Variants in LIMA1 observed in about 807,000 individuals in gnomAD.
LIMA1 encodes LIM domain and actin binding 1.
A neutral mutation model predicts 62.6 loss-of-function variants in LIMA1; 52 were observed. The ratio of observed to expected loss-of-function variants is 0.83; its 90% confidence interval spans 0.67 to 1.05. The LOEUF is 1.05. Ranked by LOEUF, LIMA1 falls within the 50% of genes least tolerant of loss-of-function variation. The pLI is 0.00. For missense variants in LIMA1, 780 were observed against 902.2 expected (o/e 0.86, Z 1.74); for synonymous variants, 302 against 317.8 (o/e 0.95, Z 0.53).
chr12:50,186,600 A>G (rs866850545), intron 9 of LIMA1: 1 of 152,458 alleles, frequency 6.6e-6, no homozygotes. Flanking sequence ...TCCAGTGATA[A>G]GTTTTGCAAG....
intron 1 of LIMA1, among the ~76,000 whole-genome samples, chr12:50,279,474 G>C (rs1418250049): frequency 6.6e-6 from 1 of 151,960 alleles, no homozygotes; most frequent in Non-Finnish European, 1.5e-5. Flanking sequence ...CACTTACATG[G>C]AGGTGATAGT....
chr12:50,257,759 G>C (rs1335400318), intron 1 of LIMA1, among the ~76,000 whole-genome samples: 2 of 152,078 alleles, frequency 1.3e-5, no homozygotes, highest in Non-Finnish European at 2.9e-5. Context: ...TATAATGATG[G>C]TCTCAAGTAG....
intron 2 of LIMA1, 51 bp from the exon 3 acceptor site, chr12:50,231,761 T>G: frequency 6.5e-7 from 1 of 1,549,064 alleles, no homozygotes. Flanking sequence ...ATATTTTTAC[T>G]CTTTCAATTT....
Position 50,204,700 on chromosome 12 carries a change from C to G in LIMA1, c.716G>C (p.Gly239Ala). The G allele has an allele frequency of 6.2e-7, 1 of 1,613,948 alleles. No individual in the cohort carries two copies. The highest frequency in any genetic ancestry group is 8.5e-7 in the Non-Finnish European group (1 of 1,179,940). Residue 239 changes from glycine to alanine, a missense_variant and splice_region_variant, in exon 6 of 11, where the codon GGT becomes GCT. Physicochemically the swap from Gly to Ala is moderately conservative, Grantham distance 60. Coordinates refer to ENST00000341247, the MANE Select transcript of LIMA1 (RefSeq NM_016357.5). ...YSLDDLEIGP[G>A]QLSSSTFDSE... The stretch of plus-strand genomic sequence containing the variant: ...GTCAAATGTAGAAGATGACAACTGA[C>G]CTGGAAGCATCCAAATAACATGTTT...
rs756520427 is a variant in LIMA1, at chr12:50,200,902, C to T, written c.865-18G>A. The T allele has an allele frequency of 6.2e-7, 1 of 1,609,708 alleles. No homozygotes were observed. Among genetic ancestry groups the T allele is most frequent in the Non-Finnish European group, 8.5e-7 (1 of 1,178,974 alleles). ...AGCTCATTCTACAAAATAAAAATAA[C>T]TGTAAAAATTTTTTTAAAGTCCCAT... On this transcript the variant is annotated intron_variant, in intron 6 of 10. Transcript: ENST00000341247.
intron 4 of LIMA1, among the ~76,000 whole-genome samples, chr12:50,211,664 A>C (rs1941259584): frequency 6.6e-6 from 1 of 152,114 alleles, no homozygotes; most frequent in African/African-American, 2.4e-5. Flanking sequence ...CAAACAAACA[A>C]ACAAACAAAA....
At chr12:50,202,714 C>T (rs990247220) in intron 6 of LIMA1, among the ~76,000 whole-genome samples, 3 of 152,112 alleles carry the variant, frequency 2.0e-5, no homozygotes, top group Admixed American at 1.3e-4. Context: ...AATTAGTCCA[C>T]CAAATATTAT....
At chr12:50,190,887 G>A (rs1245329840) in intron 9 of LIMA1, among the ~76,000 whole-genome samples, 1 of 151,248 alleles carries the variant, frequency 6.6e-6, no homozygotes, top group African/African-American at 2.4e-5. Flanking sequence ...GGAGGCCAAG[G>A]TGGGGGGATT....
intron 1 of LIMA1, among the ~76,000 whole-genome samples, chr12:50,250,569 A>G (rs1388056225): frequency 6.7e-6 from 1 of 149,972 alleles, no homozygotes; most frequent in Non-Finnish European, 1.5e-5. Context: ...TTCTCAAAAA[A>G]AAAAAAAAAA....
chr12:50,176,742 C>T lies in LIMA1; in HGVS notation c.*322G>A, dbSNP rs1940344868. On this transcript the variant is annotated 3_prime_UTR_variant, in exon 11 of 11. Transcript: ENST00000341247. Reference sequence around the variant, plus strand: ...AATATACTACTAATCATCTGTCTACCTTAATATTGCCTTTTGGGAATACAG... The same window carrying T: ...AATATACTACTAATCATCTGTCTACTTTAATATTGCCTTTTGGGAATACAG... The T allele has an allele frequency of 8.6e-6, 2 of 231,438 alleles. No homozygotes were observed. Among genetic ancestry groups the T allele is most frequent in the Non-Finnish European group, 1.7e-5 (2 of 120,734 alleles). 14.3% of individuals were successfully genotyped at this position (231,438 alleles called of 1,614,324 possible).
At chr12:50,279,010 C>CTT (rs35710007) in intron 1 of LIMA1, among the ~76,000 whole-genome samples, 1 of 137,618 alleles carries the variant, frequency 7.3e-6, no homozygotes, top group Non-Finnish European at 1.6e-5. Flanking sequence ...CTTTTCTTTT[C>CTT]TTTTTTTTTT....
intron 4 of LIMA1, among the ~76,000 whole-genome samples, chr12:50,211,814 G>A (rs1365421676): frequency 8.1e-6 from 1 of 124,002 alleles, no homozygotes; most frequent in Non-Finnish European, 1.8e-5. Context: ...ACACACACAC[G>A]AATTCTGATA....
chr12:50,216,186 A>T (rs1210153822), intron 4 of LIMA1, among the ~76,000 whole-genome samples: 1 of 152,182 alleles, frequency 6.6e-6, no homozygotes, highest in African/African-American at 2.4e-5. Flanking sequence ...GGAATGCTAA[A>T]CCACACTCAC....
At chr12:50,217,081 T>C (rs1941356924) in intron 4 of LIMA1, among the ~76,000 whole-genome samples, 2 of 151,876 alleles carry the variant, frequency 1.3e-5, no homozygotes, top group East Asian at 3.8e-4. Context: ...AAAACATCCT[T>C]ACTTTTCTTC....
chr12:50,223,970 G>A (rs185557187), intron 3 of LIMA1, among the ~76,000 whole-genome samples: 253 of 152,140 alleles, frequency 1.7e-3, no homozygotes, highest in Non-Finnish European at 2.9e-3. Flanking sequence ...CCTGGGAGGC[G>A]GAGGTTGCAG....
At position 50,233,567 on chromosome 12, in the gene LIMA1, C is replaced by T. The variant is rs148302764; in HGVS notation, c.120-1857G>A. 3.9e-3 allele frequency among the ~76,000 whole-genome samples: 601 copies of T among 152,276 alleles called. 7 individuals carry two copies. The highest frequency in any genetic ancestry group is 0.013 in the African/African-American group (558 of 41,554). On this transcript the variant is annotated intron_variant, in intron 2 of 10. Coordinates refer to ENST00000341247, the MANE Select transcript of LIMA1 (RefSeq NM_016357.5). ...GAGACAGAGTTTCGCTCTTGTTGCC[C>T]AGGCTGGAGTGCAATGGCACAATCT...
chr12:50,195,667 AAGCC>A, intron 8 of LIMA1, 159 bp downstream of exon 8: 2 of 523,354 alleles, frequency 3.8e-6, no homozygotes, highest in Non-Finnish European at 6.3e-6. Context: ...ACTTCTCCTT[AAGCC>A]ATGAAGTGTG....
Position 50,212,439 on chromosome 12 carries a change from T to C in LIMA1, c.631-6371A>G, listed in dbSNP as rs868689669. 3.9e-5 allele frequency among the ~76,000 whole-genome samples: 6 copies of C among 152,186 alleles called. No individual in the cohort carries two copies. The South Asian group carries it at 6.2e-4, about 16-fold the overall frequency. ...AACCTAGCCTTGATTTATTAAAGTATTGAGAGAAAAATTTCTTTCTTCAGG... is the reference window on the plus strand; with the variant it reads ...AACCTAGCCTTGATTTATTAAAGTACTGAGAGAAAAATTTCTTTCTTCAGG... On this transcript the variant is annotated intron_variant, in intron 4 of 10. Coordinates refer to ENST00000341247, the MANE Select transcript of LIMA1 (RefSeq NM_016357.5).
chr12:50,212,322 T>C (rs898690055), intron 4 of LIMA1, among the ~76,000 whole-genome samples: 4 of 152,284 alleles, frequency 2.6e-5, no homozygotes, highest in South Asian at 4.1e-4. Context: ...TTGGACGCTG[T>C]CATCTCACCA....
Sources: allele counts gnomAD v4.1 joint callset (sites outside exome capture counted in the v4.1 genomes callset), GRCh38; gene constraint gnomAD v4.1.1; transcripts MANE v1.5; gene names NCBI Gene and HGNC (gene_info 2026-07-23, HGNC 2026-07-21).